The following IPO11 variants were observed in gnomAD, a reference collection of about 807,000 sequenced individuals.
IPO11 encodes the protein importin-11.
Under a neutral mutation model 143.2 loss-of-function variants are expected in IPO11, and 66 were observed. The ratio of observed to expected loss-of-function variants is 0.46; its 90% CI spans 0.38 to 0.57. The LOEUF (loss-of-function observed/expected upper bound fraction) is 0.57, where lower values mean the gene tolerates loss of function less well. IPO11 is among the 20% of genes least tolerant of loss of function. The probability of loss-of-function intolerance (pLI) is 0.00; values close to 1 mark genes in which losing one functional copy is unlikely to be tolerated. For synonymous variants in IPO11, 385 were observed against 377.8 expected (o/e 1.02, Z -0.22); for missense variants, 1,026 against 1,141.0 (o/e 0.90, Z 1.45).
intron 19 of IPO11, among the ~76,000 whole-genome samples, chr5:62,513,252 CGGGCGGGGGGCT>C (rs1561342861): frequency 6.7e-6 from 1 of 149,650 alleles, no homozygotes; most frequent in African/African-American, 2.5e-5. Flanking sequence ...GGCGGGTGGC[CGGGCGGGGGGCT>C]GACCCCCCCA....
intron 28 of IPO11, among the ~76,000 whole-genome samples, chr5:62,595,931 A>G (rs972808189): frequency 8.6e-5 from 13 of 151,704 alleles, no homozygotes; most frequent in African/African-American, 2.9e-4. Flanking sequence ...GAAATTGACA[A>G]TCCCTTACCA....
intron 2 of IPO11, among the ~76,000 whole-genome samples, chr5:62,441,497 T>A (rs1263742073): frequency 1.0e-4 from 1 of 9,526 alleles, no homozygotes; most frequent in Admixed American, 1.5e-3. Context: ...GTGCCTGGCC[T>A]TTTTTTTTTT....
At chr5:62,503,767 A>G (rs1055138618) in intron 16 of IPO11, among the ~76,000 whole-genome samples, 2 of 152,196 alleles carry the variant, frequency 1.3e-5, no homozygotes, top group Non-Finnish European at 2.9e-5. Context: ...TAGAGTATTT[A>G]ACATTTGGTG....
chr5:62,627,463 G>A lies in IPO11; in HGVS notation c.*145G>A, dbSNP rs550665927. 17 of 712,578 alleles carry A rather than the reference G, an allele frequency of 2.4e-5. No individual in the cohort carries two copies. The African/African-American group carries it at 2.5e-4, about 10-fold the overall frequency. The allele number at this position is 712,578 out of a possible 1,614,324, so 44.1% of individuals were successfully genotyped here. On this transcript the variant is annotated 3_prime_UTR_variant, in exon 30 of 30. Coordinates refer to ENST00000325324, the MANE Select transcript of IPO11 (RefSeq NM_016338.5). ...CACATTTTTTACTACAAAATGTAAA[G>A]GATAAATGTAAATCCTGCATAACTA...
intron 29 of IPO11, among the ~76,000 whole-genome samples, chr5:62,607,190 T>G (rs893962437): frequency 1.3e-5 from 2 of 152,204 alleles, no homozygotes; most frequent in Non-Finnish European, 2.9e-5. Context: ...CTCTGAAAAC[T>G]TTCATTTTGT....
intron 1 of IPO11, among the ~76,000 whole-genome samples, chr5:62,419,405 T>C (rs1489558032): frequency 6.6e-6 from 1 of 152,212 alleles, no homozygotes; most frequent in Non-Finnish European, 1.5e-5. Flanking sequence ...TTGTCTCTGT[T>C]GCAGTAACAC....
chr5:62,472,569 G>T (rs1486484638), intron 7 of IPO11, among the ~76,000 whole-genome samples: 6 of 143,896 alleles, frequency 4.2e-5, no homozygotes, highest in East Asian at 2.0e-4. Flanking sequence ...ACTCTGTCGC[G>T]CAGGCTGGAG....
At chr5:62,583,065 G>T (rs2112410710) in intron 27 of IPO11, among the ~76,000 whole-genome samples, 1 of 152,268 alleles carries the variant, frequency 6.6e-6, no homozygotes, top group African/African-American at 2.4e-5. Flanking sequence ...AGCAGAAAAT[G>T]TGAATATATT....
At chr5:62,504,741 C>T in intron 17 of IPO11, 41 bp downstream of exon 17, 1 of 1,388,076 alleles carries the variant, frequency 7.2e-7, no homozygotes, top group South Asian at 1.3e-5. Flanking sequence ...TTGCAAAGAA[C>T]TTTAACACTT....
chr5:62,563,681 A>G (rs116247997), intron 27 of IPO11, among the ~76,000 whole-genome samples: 2,657 of 152,264 alleles, frequency 0.017, 73 homozygotes, highest in African/African-American at 0.059. Flanking sequence ...TACACCTCAT[A>G]TAGTCTGAAG....
At chr5:62,574,868 C>T (rs1009283526) in intron 27 of IPO11, among the ~76,000 whole-genome samples, 12 of 152,076 alleles carry the variant, frequency 7.9e-5, no homozygotes, top group African/African-American at 2.9e-4. Flanking sequence ...GTCAGTACAT[C>T]CTTAGAAAGT....
intron 1 of IPO11, among the ~76,000 whole-genome samples, chr5:62,431,805 G>C (rs1409042625): frequency 6.6e-6 from 1 of 152,000 alleles, no homozygotes; most frequent in East Asian, 1.9e-4. Context: ...GCCAGGCTTG[G>C]TGGTGCCCGC....
chr5:62,532,871 T>C (rs1742605219), intron 22 of IPO11, among the ~76,000 whole-genome samples: 1 of 152,192 alleles, frequency 6.6e-6, no homozygotes, highest in Non-Finnish European at 1.5e-5. Flanking sequence ...TTTGTTACTT[T>C]ACTGAATCAA....
intron 27 of IPO11, 125 bp from the exon 28 acceptor site, chr5:62,591,452 A>G (rs768281313): frequency 1.6e-6 from 1 of 607,000 alleles, no homozygotes. Flanking sequence ...ATAGATTTTG[A>G]AAGTTTCTTT....
Position 62,627,315 on chromosome 5 carries a change from C to T in IPO11, c.2925C>T (p.Phe975=). 3.1e-6 allele frequency: 5 copies of T among 1,612,292 alleles called. No homozygotes were observed. The highest frequency in any genetic ancestry group is 4.2e-6 in the Non-Finnish European group (5 of 1,178,806). The change falls in exon 30 of 30, where the codon TTC becomes TTT. Residue 975 remains phenylalanine, a synonymous_variant. Transcript: ENST00000325324. ...AGCTACAGGAGTTTTTGCAAGGATT[C>T]TAAGAGCACATGACATGTGGCTGCC... ...VTQLQEFLQG[F]
chr5:62,609,625 A>G (rs1412041124), intron 29 of IPO11, among the ~76,000 whole-genome samples: 1 of 152,260 alleles, frequency 6.6e-6, no homozygotes, highest in African/African-American at 2.4e-5. Context: ...TGTAGGGCTG[A>G]CAACACAATT....
chr5:62,503,365 GTATCTACTA>G (rs1741416540), intron 16 of IPO11, among the ~76,000 whole-genome samples: 2 of 140,276 alleles, frequency 1.4e-5, no homozygotes, highest in African/African-American at 5.1e-5. Flanking sequence ...TATATTAATA[GTATCTACTA>G]ATATATTAAT....
chr5:62,572,733 T>C (rs1384698814), intron 27 of IPO11, among the ~76,000 whole-genome samples: 1 of 151,774 alleles, frequency 6.6e-6, no homozygotes, highest in Non-Finnish European at 1.5e-5. Flanking sequence ...AGGATTGCGC[T>C]ACCACACCCG....
chr5:62,627,438 C>T lies in IPO11; in HGVS notation c.*120C>T. On this transcript the variant is annotated 3_prime_UTR_variant, in exon 30 of 30. Transcript: ENST00000325324. The stretch of plus-strand genomic sequence containing the variant: ...ACTTCATGAAAATAAGCAAAGACCA[C>T]ACATTTTTTACTACAAAATGTAAAG... The T allele has an allele frequency of 1.1e-6, 1 of 917,044 alleles. No homozygotes were observed. Among genetic ancestry groups the T allele is most frequent in the Non-Finnish European group, 1.6e-6 (1 of 615,838 alleles). The allele number at this position is 917,044 out of a possible 1,614,324, so 56.8% of individuals were successfully genotyped here.
Sources: allele counts gnomAD v4.1 joint callset (sites outside exome capture counted in the v4.1 genomes callset), GRCh38; gene constraint gnomAD v4.1.1; transcripts MANE v1.5; gene names NCBI Gene and HGNC (gene_info 2026-07-23, HGNC 2026-07-21).